ANKFY1: variants seen among roughly 807,000 people sequenced by gnomAD.
ANKFY1 encodes the protein ankyrin repeat and FYVE domain-containing protein 1.
A neutral mutation model predicts 128.3 loss-of-function variants in ANKFY1; 47 were observed. The observed-to-expected ratio is 0.37, with a 90% CI of 0.29 to 0.47. The LOEUF is 0.47. Ranked by LOEUF, ANKFY1 falls within the 20% of genes least tolerant of loss-of-function variation. ANKFY1 has a pLI of 1.00. For synonymous variants in ANKFY1, 553 were observed against 601.6 expected (o/e 0.92, Z 1.18); for missense variants, 1,222 against 1,510.6 (o/e 0.81, Z 3.17).
intron 3 of ANKFY1, among the ~76,000 whole-genome samples, chr17:4,230,820 A>C (rs756534497): frequency 6.6e-6 from 1 of 152,240 alleles, no homozygotes; most frequent in South Asian, 2.1e-4. Context: ...ATACTTTCAT[A>C]CTTTGAGAAA....
chr17:4,200,700 T>A (rs1037951538), intron 7 of ANKFY1, among the ~76,000 whole-genome samples: 1 of 152,214 alleles, frequency 6.6e-6, no homozygotes, highest in African/African-American at 2.4e-5. Flanking sequence ...TTGGAACTTC[T>A]TTAATTTATG....
In ANKFY1 at chr17:4,169,168, C is replaced by T. The variant is rs1264327419; in HGVS notation, c.3377+30G>A. 19 of 1,532,610 alleles carry T rather than the reference C, an allele frequency of 1.2e-5. No individual in the cohort carries two copies. The highest frequency in any genetic ancestry group is 9.8e-5 in the East Asian group (4 of 40,716). 94.9% of individuals were successfully genotyped at this position (1,532,610 alleles called of 1,614,324 possible). ...GCAATGACATCAGCGGCAGTCCCCT[C>T]GCTCCTTGCCAGTGACGCTGGGGTC... On this transcript the variant is annotated intron_variant, in intron 24 of 24. Transcript: ENST00000341657. This position sits in a 1 kb window ranked among gnomAD's most constrained non-coding sequence, Gnocchi z 5.0.
intron 11 of ANKFY1, 41 bp downstream of exon 11, chr17:4,189,341 T>C (rs748489740): frequency 6.6e-6 from 10 of 1,510,592 alleles, no homozygotes; most frequent in Middle Eastern, 1.7e-4. Flanking sequence ...ATTTCTTCCA[T>C]AGATCAACAC....
intron 3 of ANKFY1, among the ~76,000 whole-genome samples, chr17:4,228,674 C>T (rs2060465815): frequency 6.6e-6 from 1 of 152,126 alleles, no homozygotes; most frequent in South Asian, 2.1e-4. Flanking sequence ...AACTTGGCCT[C>T]CCAAAGTGCT....
intron 2 of ANKFY1, among the ~76,000 whole-genome samples, chr17:4,240,012 G>A (rs1967119461): frequency 6.6e-6 from 1 of 150,618 alleles, no homozygotes; most frequent in East Asian, 1.9e-4. Flanking sequence ...CATCACAGGT[G>A]CTCACCCTGC....
In ANKFY1 at chr17:4,184,961, A is replaced by G; in HGVS notation, c.1556T>C (p.Leu519Pro). 2.5e-6 allele frequency: 4 copies of G among 1,614,040 alleles called. No individual in the cohort carries two copies. Among genetic ancestry groups the G allele is most frequent in the Non-Finnish European group, 3.4e-6 (4 of 1,180,038 alleles). Residue 519 changes from leucine to proline, a missense_variant, in exon 12 of 25, where the codon CTG (leucine) becomes CCG (proline). By Grantham distance (98) the Leu-to-Pro change is moderately conservative (BLOSUM62 -3). Transcript: ENST00000341657. ...ELLQQGANPN[L>P]QTEEALPLPK... Reference sequence around the variant, plus strand: ...CAGAGGCAGAGCTTCCTCCGTCTGCAGGTTTGGGTTGGCGCCTTGCTGCAG... The same window carrying G: ...CAGAGGCAGAGCTTCCTCCGTCTGCGGGTTTGGGTTGGCGCCTTGCTGCAG...
Position 4,169,424 on chromosome 17 carries a change from AG to A in ANKFY1, c.3287-137del, listed in dbSNP as rs2142999178. ...ATGACATAGGTGACGAAGGAGCGAT[AG>A]GTTCTAAGTGGTTCAGGGCCAGCTT... On this transcript the variant is annotated intron_variant, in intron 23 of 24. Coordinates refer to ENST00000341657, the MANE Select transcript of ANKFY1 (RefSeq NM_001330063.2). The surrounding 1 kb of genome is among the most constrained non-coding windows in gnomAD (Gnocchi z 5.0). 1.5e-6 allele frequency: 1 copy of A among 666,752 alleles called. No homozygotes were observed. Among genetic ancestry groups the A allele is most frequent in the East Asian group, 2.8e-5 (1 of 36,198 alleles). 41.3% of individuals were successfully genotyped at this position (666,752 alleles called of 1,614,324 possible).
At chr17:4,237,278 A>G (rs970973809) in intron 2 of ANKFY1, among the ~76,000 whole-genome samples, 2 of 152,242 alleles carry the variant, frequency 1.3e-5, no homozygotes, top group Admixed American at 1.3e-4. Context: ...TCAAAGACCA[A>G]GCTATAACCA....
chr17:4,168,017 A>G, intron 24 of ANKFY1, 106 bp from the exon 25 acceptor site: 4 of 1,308,144 alleles, frequency 3.1e-6, no homozygotes, highest in Non-Finnish European at 4.1e-6. Flanking sequence ...GGCGCCCGCA[A>G]TGCTACTCTG....
Position 4,179,770 on chromosome 17 carries a change from TC to T in ANKFY1, c.2347del (p.Glu783LysfsTer14), listed in dbSNP as rs763247201. ...PLHLAASWGL[E>X]ETVQCLLEFG... is the part of the protein sequence containing the mutation. ...CTCCAGAAGACACTGTACTGTCTCT[TC>T]CAGCCCCCAAGAGGCTGCCAAATGC... On this transcript the variant is annotated frameshift_variant, in exon 17 of 25. Transcript: ENST00000341657. LOFTEE classifies it high-confidence loss of function. 1 of 1,614,222 alleles carries T rather than the reference TC, an allele frequency of 6.2e-7. No individual in the cohort carries two copies. Among genetic ancestry groups the T allele is most frequent in the East Asian group, 2.2e-5 (1 of 44,894 alleles).
intron 7 of ANKFY1, among the ~76,000 whole-genome samples, chr17:4,204,442 C>A (rs956680470): frequency 5.9e-5 from 9 of 152,352 alleles, no homozygotes; most frequent in African/African-American, 1.7e-4. Flanking sequence ...AAAGCCAGTG[C>A]TCTGTCTACC....
At chr17:4,263,887 C>G (rs1280251075) in intron 1 of ANKFY1, 45 bp downstream of exon 1, 2 of 1,613,552 alleles carry the variant, frequency 1.2e-6, no homozygotes, top group Non-Finnish European at 1.7e-6. Flanking sequence ...AGCAGCGCCC[C>G]CACAGCTCCG....
At chr17:4,236,921 C>T (rs566786258) in intron 2 of ANKFY1, among the ~76,000 whole-genome samples, 2 of 152,078 alleles carry the variant, frequency 1.3e-5, no homozygotes, top group South Asian at 4.2e-4. Flanking sequence ...GGGCAGATCA[C>T]GAGGTTGAGA....
chr17:4,263,487 C>A, intron 1 of ANKFY1: 5 of 1,083,408 alleles, frequency 4.6e-6, no homozygotes, highest in African/African-American at 1.6e-5. Context: ...CACCTCACCC[C>A]AACCCAGCCC....
At position 4,167,246 on chromosome 17, in the gene ANKFY1, C is replaced by T. The variant is rs1258815293; in HGVS notation, c.*533G>A. ...AAGGGGTAGCTCACTAAAAATACAG[C>T]TTAGCGTAAAAAGAAAAAAAGACTT... is the stretch of plus-strand genomic sequence containing the variant. On this transcript the variant is annotated 3_prime_UTR_variant, in exon 25 of 25. Transcript: ENST00000341657. This position sits in a 1 kb window ranked among gnomAD's most constrained non-coding sequence, Gnocchi z 4.1. The T allele has an allele frequency of 6.6e-6, 1 of 152,654 alleles. No individual in the cohort carries two copies. The highest frequency in any genetic ancestry group is 2.4e-5 in the African/African-American group (1 of 41,438). 9.5% of individuals were successfully genotyped at this position (152,654 alleles called of 1,614,324 possible). A position where few individuals can be genotyped will look rare whatever the true frequency, so the allele number is the denominator to read the frequency against.
chr17:4,257,638 T>C (rs1411752250), intron 1 of ANKFY1, among the ~76,000 whole-genome samples: 1 of 152,184 alleles, frequency 6.6e-6, no homozygotes, highest in Non-Finnish European at 1.5e-5. Context: ...AAAAAATCTC[T>C]CCCTGAGTTT....
intron 17 of ANKFY1, 79 bp from the exon 18 acceptor site, chr17:4,179,136 A>G: frequency 6.8e-7 from 1 of 1,475,874 alleles, no homozygotes; most frequent in Non-Finnish European, 9.4e-7. Context: ...TAACTTTTAA[A>G]TCAAATTTCA....
chr17:4,230,445 C>T (rs968714173), intron 3 of ANKFY1, among the ~76,000 whole-genome samples: 18 of 152,162 alleles, frequency 1.2e-4, no homozygotes, highest in Admixed American at 9.8e-4. Flanking sequence ...GTGTCAGCTG[C>T]TACTGGTAAA....
intron 1 of ANKFY1, among the ~76,000 whole-genome samples, chr17:4,259,787 G>A (rs751555910): frequency 6.6e-6 from 1 of 152,198 alleles, no homozygotes; most frequent in Non-Finnish European, 1.5e-5. Flanking sequence ...TTCAACCACA[G>A]CCATGATTCT....
Sources: gnomAD v4.1 joint callset for allele counts (sites outside exome capture counted in the v4.1 genomes callset) on GRCh38, gnomAD v4.1.1 for gene constraint, Gnocchi (gnomAD v3.1) non-coding constraint, MANE v1.5 for transcripts, NCBI Gene and HGNC (gene_info 2026-07-23, HGNC 2026-07-21) for gene names.